The following SMAD3 variants were observed in gnomAD, a reference collection of about 807,000 sequenced individuals.
SMAD3 encodes the protein SMAD family member 3, also known as MAD homolog 3.
Under a neutral mutation model 51.8 loss-of-function variants are expected in SMAD3, and 12 were observed. The observed-to-expected ratio is 0.23, with a 90% confidence interval of 0.15 to 0.38. SMAD3 has a LOEUF of 0.38. Ranked by LOEUF, SMAD3 falls within the 10% of genes least tolerant of loss-of-function variation. SMAD3 has a pLI of 1.00. For synonymous variants in SMAD3, 238 were observed against 227.7 expected (o/e 1.05, Z -0.41); for missense variants, 294 against 565.6 (o/e 0.52, Z 4.87).
intron 1 of SMAD3, among the ~76,000 whole-genome samples, chr15:67,150,841 C>A (rs952452481): frequency 5.3e-5 from 1 of 18,756 alleles, no homozygotes; most frequent in South Asian, 1.7e-3. Context: ...AAAGCTATTT[C>A]TCAGTCTTTT....
At chr15:67,155,095 A>G (rs2042042994) in intron 1 of SMAD3, among the ~76,000 whole-genome samples, 1 of 152,204 alleles carries the variant, frequency 6.6e-6, no homozygotes, top group Non-Finnish European at 1.5e-5. Context: ...CCCCAAAATG[A>G]AGGGATTGGA....
intron 1 of SMAD3, among the ~76,000 whole-genome samples, chr15:67,136,140 C>T (rs546104822): frequency 2.3e-4 from 35 of 152,286 alleles, no homozygotes; most frequent in South Asian, 1.4e-3. Flanking sequence ...ATCAGTGATT[C>T]AAGATCACAG....
intron 5 of SMAD3, among the ~76,000 whole-genome samples, chr15:67,171,476 T>G (rs1962750726): frequency 6.6e-6 from 1 of 152,192 alleles, no homozygotes; most frequent in Non-Finnish European, 1.5e-5. Flanking sequence ...TGAGGGGAGA[T>G]TTTTATATTC....
chr15:67,165,276 C>T lies in SMAD3; in HGVS notation c.424C>T (p.Arg142Cys), dbSNP rs1253901433. Residue 142 changes from arginine (R) to cysteine (C), a missense_variant, in exon 3 of 9, where the codon CGC becomes TGC. By Grantham distance (180) the Arg-to-Cys change is radical. Coordinates refer to ENST00000327367, the MANE Select transcript of SMAD3 (RefSeq NM_005902.4). ...AGTTCTACCTCCTGTGTTGGTGCCA[C>T]GCCACACAGAGATCCCGGCCGAGTT... ...TPVLPPVLVP[R>C]HTEIPAEFPP... 7 of 1,614,194 alleles carry T rather than the reference C, an allele frequency of 4.3e-6. No homozygotes were observed. The highest frequency in any genetic ancestry group is 4.5e-5 in the East Asian group (2 of 44,876).
chr15:67,102,856 A>G (rs1347142304), intron 1 of SMAD3, among the ~76,000 whole-genome samples: 1 of 152,166 alleles, frequency 6.6e-6, no homozygotes, highest in East Asian at 1.9e-4. Context: ...GGTGAGGCTC[A>G]TCATAGCTCC....
At chr15:67,083,316 G>A (rs1960317555) in intron 1 of SMAD3, among the ~76,000 whole-genome samples, 1 of 152,204 alleles carries the variant, frequency 6.6e-6, no homozygotes, top group African/African-American at 2.4e-5. Flanking sequence ...GGTCTCAGAT[G>A]TTTACCATCG....
chr15:67,170,673 G>A (rs2140301327), intron 5 of SMAD3, 69 bp downstream of exon 5: 1 of 1,389,370 alleles, frequency 7.2e-7, no homozygotes, highest in Non-Finnish European at 1.0e-6. Flanking sequence ...GCCAGTGTGG[G>A]GAGGGGGCCC....
At chr15:67,131,518 T>C (rs992760116) in intron 1 of SMAD3, among the ~76,000 whole-genome samples, 6 of 152,218 alleles carry the variant, frequency 3.9e-5, no homozygotes, top group Admixed American at 6.5e-5. Flanking sequence ...CTGATGTCTG[T>C]TGCATGCCAA....
rs998299044 is a variant in SMAD3, at chr15:67,135,945, C to A, written c.207-28950C>A. 2.9e-4 allele frequency among the ~76,000 whole-genome samples: 44 copies of A among 152,272 alleles called. 1 individual carries two copies. The highest frequency in any genetic ancestry group is 4.4e-5 in the Non-Finnish European group (3 of 68,016). ...CTGAAGACCTCCTGTTACTCCAACCCCTTCCCCCTTCTTCTCGCTCCCGTT... is the reference window on the plus strand; with the variant it reads ...CTGAAGACCTCCTGTTACTCCAACCACTTCCCCCTTCTTCTCGCTCCCGTT... On this transcript the variant is annotated intron_variant, in intron 1 of 8. Transcript: ENST00000327367.
At chr15:67,117,771 T>C (rs2140240261) in intron 1 of SMAD3, among the ~76,000 whole-genome samples, 1 of 152,342 alleles carries the variant, frequency 6.6e-6, no homozygotes, top group African/African-American at 2.4e-5. Flanking sequence ...GCACATGTAA[T>C]GAGAATGTAC....
At chr15:67,106,741 T>TA (rs1376457182) in intron 1 of SMAD3, among the ~76,000 whole-genome samples, 1 of 152,204 alleles carries the variant, frequency 6.6e-6, no homozygotes, top group Non-Finnish European at 1.5e-5. Flanking sequence ...TGCTCTCCGT[T>TA]ACCCGCGTGG....
chr15:67,092,242 A>C (rs1240208105), intron 1 of SMAD3, among the ~76,000 whole-genome samples: 1 of 152,248 alleles, frequency 6.6e-6, no homozygotes, highest in Admixed American at 6.5e-5. Context: ...ATCAGAGGGC[A>C]AACTGGACTT....
chr15:67,144,378 G>C (rs1961919003), intron 1 of SMAD3, among the ~76,000 whole-genome samples: 1 of 152,002 alleles, frequency 6.6e-6, no homozygotes, highest in South Asian at 2.1e-4. Context: ...TATAAAGGGA[G>C]GGTTGTTGAT....
chr15:67,090,040 G>A (rs1198813495), intron 1 of SMAD3, among the ~76,000 whole-genome samples: 3 of 152,176 alleles, frequency 2.0e-5, no homozygotes, highest in Non-Finnish European at 4.4e-5. Flanking sequence ...GGCTGCCCCC[G>A]CATGGGAGTG....
intron 1 of SMAD3, among the ~76,000 whole-genome samples, chr15:67,068,595 G>A (rs1437519773): frequency 6.6e-6 from 1 of 152,192 alleles, no homozygotes. Flanking sequence ...TAGGACTGAG[G>A]CATCTTCTGC....
At chr15:67,145,305 A>G (rs1961945996) in intron 1 of SMAD3, among the ~76,000 whole-genome samples, 1 of 152,238 alleles carries the variant, frequency 6.6e-6, no homozygotes, top group Admixed American at 6.5e-5. Context: ...AAACCCAGGC[A>G]CTGCTTTAGA....
chr15:67,116,538 C>T (rs1961139274), intron 1 of SMAD3, among the ~76,000 whole-genome samples: 1 of 152,174 alleles, frequency 6.6e-6, no homozygotes. Flanking sequence ...AAGTACCTGG[C>T]TGGAGAAGCG....
At chr15:67,066,894 C>T (rs1026733753) in intron 1 of SMAD3, among the ~76,000 whole-genome samples, 1 of 152,290 alleles carries the variant, frequency 6.6e-6, no homozygotes. Context: ...TGACAGATTC[C>T]TTCTTCGTTC....
At chr15:67,137,721 G>C (rs77856098) in intron 1 of SMAD3, among the ~76,000 whole-genome samples, 1,900 of 152,240 alleles carry the variant, frequency 0.012, 40 homozygotes, top group African/African-American at 0.044. Flanking sequence ...TACCTTTGTT[G>C]ATCACCAGCT....
Sources: gnomAD v4.1 joint callset for allele counts (sites outside exome capture counted in the v4.1 genomes callset) on GRCh38, gnomAD v4.1.1 for gene constraint, MANE v1.5 for transcripts, NCBI Gene and HGNC (gene_info 2026-07-23, HGNC 2026-07-21) for gene names.